UBE2V2: variants seen among roughly 807,000 people sequenced by gnomAD.
The protein encoded by UBE2V2 is ubiquitin-conjugating enzyme E2 variant 2.
A neutral mutation model predicts 17.2 loss-of-function variants in UBE2V2; 9 were observed. The observed-to-expected ratio is 0.52, with a 90% CI of 0.32 to 0.91. The LOEUF is 0.91. Among genes scored for constraint, UBE2V2 ranks in the 40% least tolerant of loss-of-function variants. UBE2V2 has a pLI of 0.04. For missense variants in UBE2V2, 133 were observed against 182.6 expected, an observed-to-expected ratio of 0.73 and a Z score of 1.56; for synonymous variants, 61 against 57.5, an observed-to-expected ratio of 1.06 and a Z score of -0.28.
At chr8:48,030,374 T>G (rs1290318013) in intron 1 of UBE2V2, among the ~76,000 whole-genome samples, 2 of 152,174 alleles carry the variant, frequency 1.3e-5, no homozygotes, top group African/African-American at 4.8e-5. Context: ...TATGGTACAG[T>G]TTCTTTCTAT....
intron 1 of UBE2V2, among the ~76,000 whole-genome samples, chr8:48,016,050 G>A (rs1440705145): frequency 6.6e-6 from 1 of 151,572 alleles, no homozygotes; most frequent in Non-Finnish European, 1.5e-5. Context: ...GGCACCCGCC[G>A]CCAAGCCCGG....
chr8:48,046,369 C>G (rs556605506), intron 2 of UBE2V2, among the ~76,000 whole-genome samples: 1 of 152,128 alleles, frequency 6.6e-6, no homozygotes, highest in Non-Finnish European at 1.5e-5. Flanking sequence ...CCACCCGCCT[C>G]GGCCTCCCAA....
the UBE2V2 span, among the ~76,000 whole-genome samples, chr8:47,998,569 G>A: frequency 6.6e-6 from 1 of 151,828 alleles, no homozygotes; most frequent in African/African-American, 2.4e-5. Context: ...GGCTTTGATG[G>A]TGGATGAAGT....
rs574794205 is a variant in UBE2V2 at position 48,038,628 on chromosome 8, G to A, written c.17-4405G>A. ...CAGGTAGCTGGGACTACAGGCGCAC[G>A]CCACCATGCTTGGCTAATTCTTTTG... is the stretch of plus-strand genomic sequence containing the variant. On this transcript the variant is annotated intron_variant, in intron 1 of 3. Transcript: ENST00000523111. Among the ~76,000 whole-genome samples, 22 of 152,070 alleles carry A rather than the reference G, an allele frequency of 1.4e-4. No individual in the cohort carries two copies. In the East Asian group the frequency reaches 4.1e-3, roughly 28 times the overall value.
chr8:48,002,106 A>G, the UBE2V2 span, among the ~76,000 whole-genome samples: 1 of 152,122 alleles, frequency 6.6e-6, no homozygotes, highest in African/African-American at 2.4e-5. Context: ...AAAAAGGGCA[A>G]CAGATCCAAA....
At chr8:48,042,951 A>G in intron 1 of UBE2V2, 82 bp from the exon 2 acceptor site, 4 of 1,303,278 alleles carry the variant, frequency 3.1e-6, no homozygotes, top group Non-Finnish European at 4.0e-6. Flanking sequence ...ATAAAGGTTA[A>G]TTTGGAAAAA....
chr8:48,061,036 C>A lies in UBE2V2; in HGVS notation c.*208C>A, dbSNP rs1184612330. On this transcript the variant is annotated 3_prime_UTR_variant, in exon 4 of 4. Coordinates refer to ENST00000523111, the MANE Select transcript of UBE2V2 (RefSeq NM_003350.3). Reference sequence around the variant, plus strand: ...AAAAATGCAGCACAATTTTTTTTCTCTTGAAAGGCACTGTCATTTAAACAT... The same window carrying A: ...AAAAATGCAGCACAATTTTTTTTCTATTGAAAGGCACTGTCATTTAAACAT... 3 of 371,204 alleles carry A rather than the reference C, an allele frequency of 8.1e-6. No individual in the cohort carries two copies. Among genetic ancestry groups the A allele is most frequent in the South Asian group, 1.3e-4 (1 of 7,568 alleles). 23.0% of individuals were successfully genotyped at this position (371,204 alleles called of 1,614,324 possible). A position where few individuals can be genotyped will look rare whatever the true frequency, so the allele number is the denominator to read the frequency against.
chr8:48,035,552 T>C (rs1223778560), intron 1 of UBE2V2, among the ~76,000 whole-genome samples: 1 of 151,394 alleles, frequency 6.6e-6, no homozygotes, highest in Admixed American at 6.6e-5. Flanking sequence ...CCCTGTTTTT[T>C]TGTCCTGAGG....
At chr8:48,018,896 A>C (rs1159348724) in intron 1 of UBE2V2, among the ~76,000 whole-genome samples, 1 of 152,170 alleles carries the variant, frequency 6.6e-6, no homozygotes, top group African/African-American at 2.4e-5. Context: ...TTACATAATG[A>C]CCTTCTCTAT....
intron 3 of UBE2V2, among the ~76,000 whole-genome samples, chr8:48,051,078 C>T (rs1271642898): frequency 6.6e-6 from 1 of 152,130 alleles, no homozygotes; most frequent in Non-Finnish European, 1.5e-5. Context: ...AACTCCTGAC[C>T]TCAAGTGATC....
At chr8:47,999,651 C>T in the UBE2V2 span, among the ~76,000 whole-genome samples, 5 of 152,222 alleles carry the variant, frequency 3.3e-5, no homozygotes, top group Middle Eastern at 3.4e-3. Context: ...TGAGCCACTG[C>T]GCCCAGCCCA....
In UBE2V2 at chr8:48,060,997, C is replaced by A. The variant is rs1027762123; in HGVS notation, c.*169C>A. ...AATATATGTACACCCATTATGTTTT[C>A]AGGTAACAGGAGGAAAAATGCAGCA... On this transcript the variant is annotated 3_prime_UTR_variant, in exon 4 of 4. Coordinates refer to ENST00000523111, the MANE Select transcript of UBE2V2 (RefSeq NM_003350.3). The A allele has an allele frequency of 1.6e-5, 10 of 607,468 alleles. No individual in the cohort carries two copies. The highest frequency in any genetic ancestry group is 2.1e-5 in the Non-Finnish European group (9 of 422,476). 37.6% of individuals were successfully genotyped at this position (607,468 alleles called of 1,614,324 possible). A position where few individuals can be genotyped will look rare whatever the true frequency, so the allele number is the denominator to read the frequency against.
intron 1 of UBE2V2, among the ~76,000 whole-genome samples, chr8:48,010,257 G>A (rs1487434333): frequency 6.9e-6 from 1 of 145,324 alleles, no homozygotes; most frequent in Non-Finnish European, 1.5e-5. Flanking sequence ...TTTTTTTTGA[G>A]ATGGAGTCTC....
chr8:48,025,132 C>T (rs763504934), intron 1 of UBE2V2, among the ~76,000 whole-genome samples: 2 of 152,100 alleles, frequency 1.3e-5, no homozygotes, highest in African/African-American at 2.4e-5. Flanking sequence ...AACGGGGTTT[C>T]ACCGTGTTAG....
upstream of UBE2V2, among the ~76,000 whole-genome samples, chr8:48,006,603 G>A (rs1046183820): frequency 2.0e-5 from 3 of 151,860 alleles, no homozygotes; most frequent in South Asian, 2.1e-4. Context: ...AGATCAAGTC[G>A]GCTTCATCCC....
intron 1 of UBE2V2, among the ~76,000 whole-genome samples, chr8:48,022,193 A>G (rs955710525): frequency 2.0e-5 from 3 of 149,764 alleles, no homozygotes; most frequent in East Asian, 2.0e-4. Flanking sequence ...GCTGGAGTGC[A>G]ATGATCTGAT....
chr8:48,021,182 A>G (rs1373309262), intron 1 of UBE2V2, among the ~76,000 whole-genome samples: 3 of 150,286 alleles, frequency 2.0e-5, no homozygotes, highest in African/African-American at 7.4e-5. Context: ...GGTTCAAGCA[A>G]TTCTCCTGTC....
At chr8:48,058,909 TA>T (rs1204367095) in intron 3 of UBE2V2, among the ~76,000 whole-genome samples, 1 of 151,948 alleles carries the variant, frequency 6.6e-6, no homozygotes, top group Non-Finnish European at 1.5e-5. Context: ...TACTTGTATA[TA>T]ATCTTTTTTG....
chr8:48,053,930 G>A (rs765753111), intron 3 of UBE2V2, among the ~76,000 whole-genome samples: 2 of 151,164 alleles, frequency 1.3e-5, no homozygotes, highest in Non-Finnish European at 1.5e-5. Flanking sequence ...TTAGCCTCCC[G>A]AGTAGCTGGG....
Sources: allele counts gnomAD v4.1 joint callset (sites outside exome capture counted in the v4.1 genomes callset), GRCh38; gene constraint gnomAD v4.1.1; transcripts MANE v1.5; gene names NCBI Gene and HGNC (gene_info 2026-07-23, HGNC 2026-07-21).